The following FAM167A variants were observed in gnomAD, a reference collection of about 807,000 sequenced individuals.
FAM167A encodes the protein family with sequence similarity 167 member A.
FAM167A carries 23 observed loss-of-function variants against 14.9 expected under a neutral mutation model. The ratio of observed to expected loss-of-function variants is 1.55; its 90% CI spans 1.11 to 2.19. The LOEUF (loss-of-function observed/expected upper bound fraction) is 2.19. FAM167A is among the 30% of genes most tolerant of loss of function. FAM167A has a pLI of 0.00. For synonymous variants in FAM167A, 174 were observed against 117.7 expected (o/e 1.48, Z -3.10); for missense variants, 401 against 281.5 (o/e 1.42, Z -3.04).
At chr8:11,455,830 G>A (rs11784661) in intron 1 of FAM167A, among the ~76,000 whole-genome samples, 1 of 147,236 alleles carries the variant, frequency 6.8e-6, no homozygotes, top group African/African-American at 2.5e-5. Flanking sequence ...CTGTGTATGA[G>A]TGTGAGTGTG....
At chr8:11,449,592 G>A (rs572820225) in intron 1 of FAM167A, among the ~76,000 whole-genome samples, 1 of 152,268 alleles carries the variant, frequency 6.6e-6, no homozygotes, top group South Asian at 2.1e-4. Context: ...TGGGACCTAG[G>A]GTGTCTAGAA....
rs1563353414 is a variant in FAM167A, at chr8:11,424,254, C to A, written c.*119G>T. 1 of 1,392,404 alleles carries A rather than the reference C, an allele frequency of 7.2e-7. No individual in the cohort carries two copies. The highest frequency in any genetic ancestry group is 1.3e-5 in the South Asian group (1 of 74,166). 86.3% of individuals were successfully genotyped at this position (1,392,404 alleles called of 1,614,324 possible). Reference sequence around the variant, plus strand: ...AATAGGTCCTGGGGCCCTTGAGTCGCCAGTCCCAGGGACCCCTGCCTCCGG... The same window carrying A: ...AATAGGTCCTGGGGCCCTTGAGTCGACAGTCCCAGGGACCCCTGCCTCCGG... On this transcript the variant is annotated 3_prime_UTR_variant, in exon 3 of 3. Transcript: ENST00000284486.
intron 1 of FAM167A, among the ~76,000 whole-genome samples, chr8:11,474,156 C>T (rs147060693): frequency 5.9e-5 from 9 of 152,230 alleles, no homozygotes; most frequent in Non-Finnish European, 8.8e-5. Context: ...ATTACAGGCA[C>T]GAGCCACCGT....
At chr8:11,473,322 G>C (rs1808019556) in intron 1 of FAM167A, among the ~76,000 whole-genome samples, 1 of 152,126 alleles carries the variant, frequency 6.6e-6, no homozygotes, top group Admixed American at 6.5e-5. Flanking sequence ...TGATCATTCT[G>C]TCATCAGGAA....
intron 1 of FAM167A, chr8:11,445,031 A>G (rs1806701182): frequency 1.2e-6 from 1 of 803,774 alleles, no homozygotes; most frequent in Admixed American, 6.2e-5. Flanking sequence ...CATTTATATA[A>G]AAACGACTCC....
At chr8:11,434,398 A>T (rs1350081283) in intron 2 of FAM167A, among the ~76,000 whole-genome samples, 1 of 152,146 alleles carries the variant, frequency 6.6e-6, no homozygotes, top group African/African-American at 2.4e-5. Flanking sequence ...GCTGACTTGC[A>T]TGCAGGAAGG....
chr8:11,467,920 G>A (rs1210106973), upstream of FAM167A, among the ~76,000 whole-genome samples: 1 of 152,258 alleles, frequency 6.6e-6, no homozygotes, highest in Non-Finnish European at 1.5e-5. Context: ...GCTAGCGGGT[G>A]TATTAACAAG....
Position 11,421,545 on chromosome 8 carries a change from CAAAT to C in FAM167A, c.*2824_*2827del, listed in dbSNP as rs1156262752. 1.0e-5 allele frequency: 4 copies of C among 395,176 alleles called. No individual in the cohort carries two copies. The highest frequency in any genetic ancestry group is 7.2e-5 in the East Asian group (2 of 27,830). The allele number at this position is 395,176 out of a possible 1,614,324, so 24.5% of individuals were successfully genotyped here. A position where few individuals can be genotyped will look rare whatever the true frequency, so the allele number is the denominator to read the frequency against. ...ACTTTTTCTAACAGCAATATAGAAA[CAAAT>C]AATCATAAAAAATAAAAGTATAAAT... On this transcript the variant is annotated 3_prime_UTR_variant, in exon 3 of 3. Transcript: ENST00000284486.
intron 1 of FAM167A, among the ~76,000 whole-genome samples, chr8:11,447,876 AAGAT>A (rs1462570338): frequency 1.1e-4 from 17 of 152,218 alleles, no homozygotes; most frequent in Non-Finnish European, 2.4e-4. Context: ...GTATGAAACG[AAGAT>A]GCGGGGCTCC....
At position 11,424,362 on chromosome 8, in the gene FAM167A, C is replaced by G. The variant is rs1464211078; in HGVS notation, c.*11G>C. The G allele has an allele frequency of 3.7e-6, 6 of 1,613,736 alleles. No homozygotes were observed. In the African/African-American group the frequency reaches 5.3e-5, roughly 14 times the overall value. ...CTCCGCTCCAGCCCCTCCGCCCAGTCTGAGGGCTCCTCAGCAGAGAGAGAA... is the reference window on the plus strand; with the variant it reads ...CTCCGCTCCAGCCCCTCCGCCCAGTGTGAGGGCTCCTCAGCAGAGAGAGAA... On this transcript the variant is annotated 3_prime_UTR_variant, in exon 3 of 3. Coordinates refer to ENST00000284486, the MANE Select transcript of FAM167A (RefSeq NM_053279.3).
At chr8:11,424,767 C>G (rs1805018841) in intron 2 of FAM167A, 131 bp from the exon 3 acceptor site, 3 of 1,337,278 alleles carry the variant, frequency 2.2e-6, no homozygotes, top group Non-Finnish European at 3.0e-6. Context: ...TTAGCACTTT[C>G]CCTGCTCAGG....
upstream of FAM167A, among the ~76,000 whole-genome samples, chr8:11,472,086 C>T (rs1807977482): frequency 6.6e-6 from 1 of 152,186 alleles, no homozygotes; most frequent in African/African-American, 2.4e-5. Context: ...TTATAACTTT[C>T]AAATATTTAG....
intron 2 of FAM167A, among the ~76,000 whole-genome samples, chr8:11,430,115 T>C (rs1805473269): frequency 6.6e-6 from 1 of 152,178 alleles, no homozygotes; most frequent in Non-Finnish European, 1.5e-5. Context: ...GGCTCTACCA[T>C]AGGATGTGCC....
intron 1 of FAM167A, among the ~76,000 whole-genome samples, chr8:11,459,563 G>A (rs573300998): frequency 2.0e-5 from 3 of 152,350 alleles, no homozygotes; most frequent in African/African-American, 7.2e-5. Flanking sequence ...GCTGTGGCAG[G>A]AGGGCCTCTT....
At chr8:11,429,821 A>C (rs1416895070) in intron 2 of FAM167A, among the ~76,000 whole-genome samples, 1 of 152,206 alleles carries the variant, frequency 6.6e-6, no homozygotes, top group Non-Finnish European at 1.5e-5. Context: ...TGCCACCTGG[A>C]ACTTCTGTGT....
chr8:11,466,278 G>A (rs1414639639), intron 1 of FAM167A, among the ~76,000 whole-genome samples: 2 of 152,218 alleles, frequency 1.3e-5, no homozygotes, highest in Non-Finnish European at 2.9e-5. Context: ...AGCCGCCTGG[G>A]AGTGGACCCG....
intron 2 of FAM167A, among the ~76,000 whole-genome samples, chr8:11,429,126 C>T (rs548530283): frequency 6.6e-6 from 1 of 152,102 alleles, no homozygotes; most frequent in Admixed American, 6.5e-5. Flanking sequence ...ACTCCCCATC[C>T]CCCTCCTCCA....
At chr8:11,472,703 G>T (rs1279068736) in intron 1 of FAM167A, among the ~76,000 whole-genome samples, 3 of 152,162 alleles carry the variant, frequency 2.0e-5, no homozygotes, top group African/African-American at 4.8e-5. Context: ...AGAGCCCTGA[G>T]TAGGAGCCAG....
At chr8:11,439,933 G>A (rs150313521) in intron 2 of FAM167A, among the ~76,000 whole-genome samples, 2 of 152,260 alleles carry the variant, frequency 1.3e-5, no homozygotes, top group East Asian at 1.9e-4. Flanking sequence ...GGGCAGAGGC[G>A]TGTGTGAATG....
Sources: allele counts gnomAD v4.1 joint callset (sites outside exome capture counted in the v4.1 genomes callset), GRCh38; gene constraint gnomAD v4.1.1; transcripts MANE v1.5; gene names NCBI Gene and HGNC (gene_info 2026-07-23, HGNC 2026-07-21).